Variants in ZNF514 observed in about 807,000 individuals in gnomAD.
ZNF514 encodes zinc finger protein 514.
Under a neutral mutation model 9.7 loss-of-function variants are expected in ZNF514, and 12 were observed. The ratio of observed to expected loss-of-function variants is 1.24; its 90% CI spans 0.79 to 2.01. The LOEUF is 2.01. Ranked by LOEUF, ZNF514 falls within the 30% of genes most tolerant of loss-of-function variation. The pLI is 0.00. For synonymous variants in ZNF514, 158 were observed against 163.7 expected, an observed-to-expected ratio of 0.97 and a Z score of 0.27; for missense variants, 467 against 465.5, an observed-to-expected ratio of 1.00 and a Z score of -0.03.
the ZNF514 span, among the ~76,000 whole-genome samples, chr2:95,132,778 G>C: frequency 1.3e-5 from 2 of 148,252 alleles, no homozygotes; most frequent in African/African-American, 5.0e-5. Flanking sequence ...TGAAGCAGGA[G>C]ACTCGCTTGA....
the ZNF514 span, among the ~76,000 whole-genome samples, chr2:95,136,141 C>T: frequency 6.6e-6 from 1 of 152,094 alleles, no homozygotes; most frequent in Non-Finnish European, 1.5e-5. Flanking sequence ...AGCAATGTTG[C>T]TAAACTCATT....
At chr2:95,124,122 GCAC>G in the ZNF514 span, among the ~76,000 whole-genome samples, 23 of 152,172 alleles carry the variant, frequency 1.5e-4, no homozygotes, top group African/African-American at 5.3e-4. Context: ...TCTGTATCCA[GCAC>G]CACAATCGAG....
chr2:95,132,225 C>T, the ZNF514 span, among the ~76,000 whole-genome samples: 1 of 150,590 alleles, frequency 6.6e-6, no homozygotes, highest in African/African-American at 2.4e-5. Flanking sequence ...ATCTGCAAGC[C>T]ACATACCTGA....
chr2:95,133,342 AAAG>A, the ZNF514 span, among the ~76,000 whole-genome samples: 12 of 152,348 alleles, frequency 7.9e-5, no homozygotes, highest in South Asian at 1.0e-3. Context: ...TCAAAAAGAA[AAAG>A]AAGAAGGAGA....
At chr2:95,128,709 GAGAA>G in the ZNF514 span, among the ~76,000 whole-genome samples, 2 of 149,898 alleles carry the variant, frequency 1.3e-5, no homozygotes, top group Non-Finnish European at 3.0e-5. Flanking sequence ...GAGGAAGAAG[GAGAA>G]AGAAGGAGGA....
the ZNF514 span, among the ~76,000 whole-genome samples, chr2:95,134,280 G>A: frequency 6.6e-6 from 1 of 152,064 alleles, no homozygotes; most frequent in South Asian, 2.1e-4. Context: ...TTAGGCCTCA[G>A]TCTTAGGGAT....
the ZNF514 span, among the ~76,000 whole-genome samples, chr2:95,137,239 T>C: frequency 2.3e-3 from 357 of 152,292 alleles, no homozygotes; most frequent in Non-Finnish European, 4.6e-3. Flanking sequence ...AAAGGATCCA[T>C]CTCTGGAGGA....
In ZNF514 at chr2:95,158,566, T is replaced by C. The variant is rs1364693485; in HGVS notation, c.-96+674A>G. Among the ~76,000 whole-genome samples the C allele has an allele frequency of 2.6e-5, 4 of 152,276 alleles. No individual in the cohort carries two copies. In the South Asian group the frequency reaches 8.3e-4, roughly 32 times the overall value. On this transcript the variant is annotated intron_variant, in intron 1 of 4. Coordinates refer to ENST00000295208, the MANE Select transcript of ZNF514 (RefSeq NM_032788.3). The stretch of plus-strand genomic sequence containing the variant: ...AGAACGACTGGAAGAACCTTATTAG[T>C]GAGGTGATTAAGGAGGTGGATGACA...
chr2:95,145,269 A>G lies in ZNF514; in HGVS notation c.*4013T>C, dbSNP rs1673332058. On this transcript the variant is annotated 3_prime_UTR_variant, in exon 5 of 5. Transcript: ENST00000295208. ...CCATGATGGGAATGGGTGGTCAGAC[A>G]TACCTCATTATACCTTCCTCTCTTT... Among the ~76,000 whole-genome samples the G allele has an allele frequency of 6.6e-6, 1 of 152,186 alleles. No individual in the cohort carries two copies. Among genetic ancestry groups the G allele is most frequent in the African/African-American group, 2.4e-5 (1 of 41,442 alleles).
the ZNF514 span, among the ~76,000 whole-genome samples, chr2:95,135,961 G>A: frequency 6.6e-6 from 1 of 151,942 alleles, no homozygotes; most frequent in Non-Finnish European, 1.5e-5. Context: ...CTACTCGGGA[G>A]GCTGAGGCAG....
the ZNF514 span, among the ~76,000 whole-genome samples, chr2:95,127,284 G>A: frequency 1.3e-5 from 2 of 152,194 alleles, no homozygotes; most frequent in Admixed American, 6.5e-5. Context: ...GAGGAGACAT[G>A]ACTCCCTCTT....
chr2:95,158,263 C>T (rs1215974922), intron 1 of ZNF514, among the ~76,000 whole-genome samples: 1 of 152,122 alleles, frequency 6.6e-6, no homozygotes, highest in African/African-American at 2.4e-5. Flanking sequence ...CAGAGCCACA[C>T]TGATTAACAA....
At chr2:95,139,602 A>AT in the ZNF514 span, among the ~76,000 whole-genome samples, 134 of 151,732 alleles carry the variant, frequency 8.8e-4, no homozygotes, top group Non-Finnish European at 1.6e-3. Context: ...AAATAACTTG[A>AT]TTTTTTTTAT....
At chr2:95,157,621 G>C (rs897729606) in intron 1 of ZNF514, among the ~76,000 whole-genome samples, 182 bp from the exon 2 acceptor site, 56 of 152,288 alleles carry the variant, frequency 3.7e-4, no homozygotes, top group African/African-American at 1.2e-3. Flanking sequence ...AAGTGCCCCT[G>C]TACACAGCTG....
chr2:95,128,336 G>C, the ZNF514 span, among the ~76,000 whole-genome samples: 1 of 150,964 alleles, frequency 6.6e-6, no homozygotes, highest in South Asian at 2.1e-4. Context: ...GTTGCAGTGA[G>C]CTGAGATCCC....
the ZNF514 span, among the ~76,000 whole-genome samples, chr2:95,131,655 A>G: frequency 5.9e-5 from 9 of 152,228 alleles, no homozygotes; most frequent in East Asian, 1.9e-4. Flanking sequence ...ACAATGCCCA[A>G]CTTATTTTTT....
intron 1 of ZNF514, chr2:95,158,835 G>C: frequency 7.8e-7 from 1 of 1,286,086 alleles, no homozygotes; most frequent in Non-Finnish European, 1.0e-6. Flanking sequence ...TCGCCACACG[G>C]AAGGCAGATG....
chr2:95,128,926 G>A, the ZNF514 span, among the ~76,000 whole-genome samples: 1 of 152,228 alleles, frequency 6.6e-6, no homozygotes, highest in Non-Finnish European at 1.5e-5. Flanking sequence ...AGGTGGGTGA[G>A]CAGTTCTCAT....
At chr2:95,154,287 T>G (rs1166184224) in intron 2 of ZNF514, 1 of 152,284 alleles carries the variant, frequency 6.6e-6, no homozygotes, top group Non-Finnish European at 1.5e-5. Flanking sequence ...AAGCCACAGC[T>G]GTCACGTAAC....
Sources: gnomAD v4.1 joint callset for allele counts (sites outside exome capture counted in the v4.1 genomes callset) on GRCh38, gnomAD v4.1.1 for gene constraint, MANE v1.5 for transcripts, NCBI Gene and HGNC (gene_info 2026-07-23, HGNC 2026-07-21) for gene names.